IGLON5: variants seen among roughly 807,000 people sequenced by gnomAD.
The protein encoded by IGLON5 is Ig-like domain-containing protein ENSP00000270642.
In IGLON5, 16 loss-of-function variants were observed where a neutral mutation model predicts 38.2. That is an observed-to-expected ratio of 0.42 (90% confidence interval 0.28 to 0.64). The LOEUF is 0.64. Among genes scored for constraint, IGLON5 ranks in the 30% least tolerant of loss-of-function variants. The probability of loss-of-function intolerance (pLI) is 0.23; values close to 1 mark genes in which losing one functional copy is unlikely to be tolerated. For missense variants in IGLON5, 366 were observed against 483.4 expected (o/e 0.76, Z 2.28); for synonymous variants, 207 against 216.4 (o/e 0.96, Z 0.38).
At chr19:51,316,772 G>A (rs1256495587) in intron 1 of IGLON5, among the ~76,000 whole-genome samples, 1 of 152,088 alleles carries the variant, frequency 6.6e-6, no homozygotes, top group Non-Finnish European at 1.5e-5. Flanking sequence ...GGCATTATAG[G>A]CGTGAACCAC....
rs1483907742 is a variant in IGLON5 at position 51,327,516 on chromosome 19, C to T, written c.768-216C>T. Among the ~76,000 whole-genome samples, 1 of 152,086 alleles carries T rather than the reference C, an allele frequency of 6.6e-6. No homozygotes were observed. Among genetic ancestry groups the T allele is most frequent in the Non-Finnish European group, 1.5e-5 (1 of 68,010 alleles). ...CAGGAGTCCCTAACGACTAGGGGTG[C>T]ACTACGGGAGAGTCCAGAGTCCTGA... On this transcript the variant is annotated intron_variant, in intron 6 of 7. Transcript: ENST00000270642. This position sits in a 1 kb window ranked among gnomAD's most constrained non-coding sequence, Gnocchi z 7.1.
chr19:51,329,209 A>G lies in IGLON5; in HGVS notation c.*450A>G, dbSNP rs1468618835. On this transcript the variant is annotated 3_prime_UTR_variant, in exon 8 of 8. Transcript: ENST00000270642. This position sits in a 1 kb window ranked among gnomAD's most constrained non-coding sequence, Gnocchi z 4.3. ...CCCCATGTCCACTGTCCCCAACCCT[A>G]TTGCCTCTCACCTCTGGCTGGAGGT... 1 of 154,350 alleles carries G rather than the reference A, an allele frequency of 6.5e-6. No homozygotes were observed. The highest frequency in any genetic ancestry group is 2.4e-5 in the African/African-American group (1 of 41,244). 9.6% of individuals were successfully genotyped at this position (154,350 alleles called of 1,614,324 possible). A position where few individuals can be genotyped will look rare whatever the true frequency, so the allele number is the denominator to read the frequency against.
chr19:51,320,860 C>T (rs1985037152), intron 1 of IGLON5, among the ~76,000 whole-genome samples: 1 of 152,076 alleles, frequency 6.6e-6, no homozygotes, highest in African/African-American at 2.4e-5. Flanking sequence ...TGTACGTGTG[C>T]ATCTGTGTAC....
chr19:51,329,441 C>T lies in IGLON5; in HGVS notation c.*682C>T, dbSNP rs1985297586. 1 of 152,244 alleles carries T rather than the reference C, an allele frequency of 6.6e-6. No homozygotes were observed. The highest frequency in any genetic ancestry group is 6.5e-5 in the Admixed American group (1 of 15,282). The allele number at this position is 152,244 out of a possible 1,614,324, so 9.4% of individuals were successfully genotyped here. On this transcript the variant is annotated 3_prime_UTR_variant, in exon 8 of 8. Coordinates refer to ENST00000270642, the MANE Select transcript of IGLON5 (RefSeq NM_001101372.3). This position sits in a 1 kb window ranked among gnomAD's most constrained non-coding sequence, Gnocchi z 4.3. The stretch of plus-strand genomic sequence containing the variant: ...GACCTCCATCTAGGCTCTGGGCTTC[C>T]CTGCTGTCAACCACCAGCTTCCTGT...
chr19:51,327,895 TC>T lies in IGLON5; in HGVS notation c.922+10del. 1.5e-6 allele frequency: 2 copies of T among 1,302,218 alleles called. No homozygotes were observed. Among genetic ancestry groups the T allele is most frequent in the Non-Finnish European group, 2.0e-6 (2 of 994,322 alleles). The allele number at this position is 1,302,218 out of a possible 1,614,324, so 80.7% of individuals were successfully genotyped here. A position where few individuals can be genotyped will look rare whatever the true frequency, so the allele number is the denominator to read the frequency against. ...CTCCATGCGGCTCCTGCGTGCGTCT[TC>T]GGGCGGGGCGGGGCCGGGAAGGTGG... is the stretch of plus-strand genomic sequence containing the variant. On this transcript the variant is annotated intron_variant, in intron 7 of 7. Transcript: ENST00000270642. This position sits in a 1 kb window ranked among gnomAD's most constrained non-coding sequence, Gnocchi z 7.1.
At chr19:51,321,760 C>T (rs1985061755) in intron 1 of IGLON5, among the ~76,000 whole-genome samples, 1 of 152,192 alleles carries the variant, frequency 6.6e-6, no homozygotes, top group African/African-American at 2.4e-5. Flanking sequence ...TGTCCATGGA[C>T]ACCTACCCAT....
In IGLON5 at chr19:51,311,954, C is replaced by T. The variant is rs1010318094; in HGVS notation, c.79+28C>T. 5.7e-6 allele frequency: 7 copies of T among 1,222,054 alleles called. No homozygotes were observed. In the South Asian group the frequency reaches 7.0e-5, roughly 12 times the overall value. 75.7% of individuals were successfully genotyped at this position (1,222,054 alleles called of 1,614,324 possible). On this transcript the variant is annotated intron_variant, in intron 1 of 7. Transcript: ENST00000270642. ...ACCGCAGCGCCGGGGGCGGGGGGCTCGGCCGGGACGCCAGGGTCTTGGGTG... is the reference window on the plus strand; with the variant it reads ...ACCGCAGCGCCGGGGGCGGGGGGCTTGGCCGGGACGCCAGGGTCTTGGGTG...
At chr19:51,323,922 G>C (rs770566743) in intron 3 of IGLON5, 28 bp downstream of exon 3, 4 of 1,539,694 alleles carry the variant, frequency 2.6e-6, no homozygotes, top group Admixed American at 3.4e-5. Flanking sequence ...GCCTGGCTGG[G>C]TGGAGGGGTT....
At chr19:51,318,955 CCTTACGGGGCATCTGACA>C (rs1281122401) in intron 1 of IGLON5, among the ~76,000 whole-genome samples, 4 of 152,134 alleles carry the variant, frequency 2.6e-5, no homozygotes, top group Non-Finnish European at 4.4e-5. Context: ...TGATTTTGCC[CCTTACGGGGCATCTGACA>C]ATGTCTGGAG....
intron 1 of IGLON5, among the ~76,000 whole-genome samples, chr19:51,315,796 C>T (rs993260895): frequency 6.8e-6 from 1 of 146,044 alleles, no homozygotes; most frequent in Non-Finnish European, 1.5e-5. Context: ...CCTGGGTTCA[C>T]ACCATTCTCC....
At chr19:51,315,847 C>A (rs1381786169) in intron 1 of IGLON5, among the ~76,000 whole-genome samples, 3 of 151,922 alleles carry the variant, frequency 2.0e-5, no homozygotes, top group Non-Finnish European at 4.4e-5. Flanking sequence ...AGGCGCCCAC[C>A]ACCACGCCTG....
intron 1 of IGLON5, among the ~76,000 whole-genome samples, chr19:51,314,897 T>C (rs6509525): frequency 0.57 from 86,221 of 151,984 alleles, 25,246 homozygotes; most frequent in African/African-American, 0.7. Flanking sequence ...GTGGCTGGAG[T>C]GCATCCTTCC....
chr19:51,323,539 G>A lies in IGLON5; in HGVS notation c.159-123G>A, dbSNP rs75170634. Reference sequence around the variant, plus strand: ...CTGTATGGTGGGCACAGCAGCATCCGCCTCACAGGGCTGTGGTGGGACCTG... The same window carrying A: ...CTGTATGGTGGGCACAGCAGCATCCACCTCACAGGGCTGTGGTGGGACCTG... On this transcript the variant is annotated intron_variant, in intron 2 of 7. Transcript: ENST00000270642. 8.4e-3 allele frequency: 6,434 copies of A among 762,106 alleles called. 159 individuals carry two copies. Among genetic ancestry groups the A allele is most frequent in the East Asian group, 0.079 (2,907 of 36,880 alleles). The allele number at this position is 762,106 out of a possible 1,614,324, so 47.2% of individuals were successfully genotyped here. A position where few individuals can be genotyped will look rare whatever the true frequency, so the allele number is the denominator to read the frequency against.
rs896510669 is a variant in IGLON5, at chr19:51,330,450, C to G, written c.*1691C>G. 6 of 152,196 alleles carry G rather than the reference C, an allele frequency of 3.9e-5. No individual in the cohort carries two copies. The highest frequency in any genetic ancestry group is 1.4e-4 in the African/African-American group (6 of 41,448). The allele number at this position is 152,196 out of a possible 1,614,324, so 9.4% of individuals were successfully genotyped here. On this transcript the variant is annotated 3_prime_UTR_variant, in exon 8 of 8. Coordinates refer to ENST00000270642, the MANE Select transcript of IGLON5 (RefSeq NM_001101372.3). ...GGTGCCTCTCCAGCATCATTCCTAC[C>G]GCCTACTTTCTCACTGGTAGACTTG...
rs573490101 is a variant in IGLON5 at position 51,317,850 on chromosome 19, T to G, written c.80-4214T>G. Among the ~76,000 whole-genome samples, 30 of 152,280 alleles carry G rather than the reference T, an allele frequency of 2.0e-4. No homozygotes were observed. The South Asian group carries it at 6.0e-3, about 30-fold the overall frequency. On this transcript the variant is annotated intron_variant, in intron 1 of 7. Coordinates refer to ENST00000270642, the MANE Select transcript of IGLON5 (RefSeq NM_001101372.3). ...AACTACTATTTTTCACCTTGTACAG[T>G]TGGAGAAACTGAAGCTCACACTGGC...
At chr19:51,316,580 G>T (rs1186093473) in intron 1 of IGLON5, among the ~76,000 whole-genome samples, 6 of 147,488 alleles carry the variant, frequency 4.1e-5, no homozygotes, top group Admixed American at 3.4e-4. Flanking sequence ...TGCAACCTCC[G>T]CATCCTGGGT....
intron 1 of IGLON5, among the ~76,000 whole-genome samples, chr19:51,320,723 A>C (rs1043924087): frequency 2.0e-5 from 3 of 152,076 alleles, no homozygotes; most frequent in Non-Finnish European, 2.9e-5. Flanking sequence ...TGTGTGTCTG[A>C]GAATGTACAC....
intron 1 of IGLON5, among the ~76,000 whole-genome samples, chr19:51,320,754 G>A (rs1164865783): frequency 2.0e-5 from 3 of 152,204 alleles, no homozygotes; most frequent in East Asian, 3.9e-4. Context: ...CTGTGCGCAC[G>A]TGTTCATATC....
chr19:51,328,586 C>T, intron 7 of IGLON5, 85 bp from the exon 8 acceptor site: 1 of 691,910 alleles, frequency 1.4e-6, no homozygotes, highest in Non-Finnish European at 2.4e-6. Flanking sequence ...AAAGAGTGGG[C>T]TCAGAAGAGA....
Sources: gnomAD v4.1 joint callset for allele counts (sites outside exome capture counted in the v4.1 genomes callset) on GRCh38, gnomAD v4.1.1 for gene constraint, Gnocchi (gnomAD v3.1) non-coding constraint, MANE v1.5 for transcripts, NCBI Gene and HGNC (gene_info 2026-07-23, HGNC 2026-07-21) for gene names.